Variants in LRRC4C observed in about 807,000 individuals in gnomAD.
LRRC4C encodes leucine rich repeat containing 4C.
LRRC4C carries 5 observed loss-of-function variants against 33.6 expected under a neutral mutation model. The ratio of observed to expected loss-of-function variants is 0.15; its 90% confidence interval spans 0.08 to 0.31. LRRC4C has a LOEUF of 0.31. Ranked by LOEUF, LRRC4C falls within the 10% of genes least tolerant of loss-of-function variation. The probability of loss-of-function intolerance (pLI) is 1.00; values close to 1 mark genes in which losing one functional copy is unlikely to be tolerated. For missense variants in LRRC4C, 560 were observed against 796.7 expected (o/e 0.70, Z 3.58); for synonymous variants, 329 against 302.0 (o/e 1.09, Z -0.93).
intron 3 of LRRC4C, among the ~76,000 whole-genome samples, chr11:40,460,175 T>TA: frequency 6.6e-6 from 1 of 152,234 alleles, no homozygotes; most frequent in South Asian, 2.1e-4. Flanking sequence ...TCCAGCCACT[T>TA]AAATTGAGTT....
intron 3 of LRRC4C, among the ~76,000 whole-genome samples, chr11:40,441,392 C>A (rs907912588): frequency 7.2e-5 from 11 of 152,136 alleles, no homozygotes; most frequent in Non-Finnish European, 1.5e-4. Flanking sequence ...AAAAAAACAA[C>A]AGTATGATTT....
chr11:40,116,366 T>G, intron 6 of LRRC4C, 32 bp from the exon 7 acceptor site: 1 of 1,512,846 alleles, frequency 6.6e-7, no homozygotes, highest in Non-Finnish European at 8.8e-7. Flanking sequence ...AACCAATTAT[T>G]AGATTAGATT....
chr11:40,653,611 T>G (rs558212242), intron 2 of LRRC4C, among the ~76,000 whole-genome samples: 1 of 152,314 alleles, frequency 6.6e-6, no homozygotes, highest in South Asian at 2.1e-4. Context: ...GGTTTGGAAT[T>G]GAAACTTATG....
At chr11:41,226,301 C>G (rs1296608805) in intron 1 of LRRC4C, among the ~76,000 whole-genome samples, 1 of 152,078 alleles carries the variant, frequency 6.6e-6, no homozygotes, top group African/African-American at 2.4e-5. Context: ...AGAATTGGGA[C>G]TGAATCCAAT....
chr11:40,454,052 A>G (rs956619588), intron 3 of LRRC4C, among the ~76,000 whole-genome samples: 1 of 152,184 alleles, frequency 6.6e-6, no homozygotes, highest in Non-Finnish European at 1.5e-5. Flanking sequence ...AAGGGGATCC[A>G]TGAGATTTCC....
At chr11:40,770,033 G>A (rs562994525) in intron 2 of LRRC4C, among the ~76,000 whole-genome samples, 9 of 152,072 alleles carry the variant, frequency 5.9e-5, no homozygotes, top group South Asian at 2.1e-4. Flanking sequence ...AAAAAATTCC[G>A]CACATCAAAG....
rs1331120750 is a variant in LRRC4C, at chr11:40,987,651, A to C, written c.-495-53928T>G. On this transcript the variant is annotated intron_variant, in intron 1 of 6. Coordinates refer to ENST00000528697, the MANE Select transcript of LRRC4C (RefSeq NM_001258419.2). ...TAATGATATATATATATATATATAT[A>C]TCTCATATATATGAGATATAAATGA... 1.5e-4 allele frequency among the ~76,000 whole-genome samples: 7 copies of C among 47,874 alleles called. No homozygotes were observed. The East Asian group carries it at 2.1e-3, about 14-fold the overall frequency. 31.4% of individuals were successfully genotyped at this position (47,874 alleles called of 152,430 possible).
chr11:41,298,275 A>G (rs1950195372), intron 1 of LRRC4C, among the ~76,000 whole-genome samples: 1 of 152,168 alleles, frequency 6.6e-6, no homozygotes, highest in Non-Finnish European at 1.5e-5. Flanking sequence ...GAGATAAAAG[A>G]AGGGAAGAAG....
intron 5 of LRRC4C, among the ~76,000 whole-genome samples, chr11:40,157,151 A>G (rs1023936219): frequency 2.0e-5 from 3 of 152,126 alleles, no homozygotes; most frequent in African/African-American, 7.2e-5. Flanking sequence ...ACAAAAACAT[A>G]AAGTGTGGAA....
intron 4 of LRRC4C, among the ~76,000 whole-genome samples, chr11:40,272,536 G>A (rs1238773773): frequency 6.6e-6 from 1 of 151,992 alleles, no homozygotes; most frequent in Non-Finnish European, 1.5e-5. Flanking sequence ...TGAAGGAGAG[G>A]AGGGAGGGTA....
intron 4 of LRRC4C, among the ~76,000 whole-genome samples, chr11:40,274,418 C>CACAT (rs1565215794): frequency 2.5e-5 from 3 of 120,784 alleles, no homozygotes; most frequent in Non-Finnish European, 5.1e-5. Flanking sequence ...GGAATAGACA[C>CACAT]ACACATACAC....
At chr11:40,800,219 G>A (rs778539050) in intron 2 of LRRC4C, among the ~76,000 whole-genome samples, 5 of 152,112 alleles carry the variant, frequency 3.3e-5, no homozygotes, top group Non-Finnish European at 5.9e-5. Flanking sequence ...TCCATGTGAT[G>A]CAATGACTAA....
intron 3 of LRRC4C, among the ~76,000 whole-genome samples, chr11:40,376,307 G>A (rs1287177106): frequency 6.6e-6 from 1 of 152,080 alleles, no homozygotes; most frequent in Admixed American, 6.6e-5. Flanking sequence ...AACTTCTAAA[G>A]TTTTACAGGT....
intron 1 of LRRC4C, among the ~76,000 whole-genome samples, chr11:41,175,356 C>A (rs1050966051): frequency 6.6e-6 from 1 of 152,126 alleles, no homozygotes. Flanking sequence ...CAGGAGGAAA[C>A]AATTACCAAA....
At chr11:41,215,358 C>G (rs1947013711) in intron 1 of LRRC4C, among the ~76,000 whole-genome samples, 2 of 151,444 alleles carry the variant, frequency 1.3e-5, no homozygotes, top group African/African-American at 4.9e-5. Flanking sequence ...CGTGGTGGTG[C>G]ACGCCTGTGA....
intron 3 of LRRC4C, among the ~76,000 whole-genome samples, chr11:40,588,151 A>C (rs1054221378): frequency 1.3e-5 from 2 of 151,514 alleles, no homozygotes; most frequent in African/African-American, 4.9e-5. Flanking sequence ...CCACAATTTC[A>C]GATCCTGTTA....
At chr11:40,128,074 C>CCCACT (rs5791358) in intron 6 of LRRC4C, among the ~76,000 whole-genome samples, 2 of 151,908 alleles carry the variant, frequency 1.3e-5, no homozygotes, top group African/African-American at 4.8e-5. Context: ...TAAAATGCCC[C>CCCACT]GGAGGGTTGG....
chr11:40,210,776 T>C (rs939501238), intron 5 of LRRC4C, among the ~76,000 whole-genome samples: 5 of 152,116 alleles, frequency 3.3e-5, no homozygotes, highest in African/African-American at 1.2e-4. Flanking sequence ...AAAATACAAC[T>C]TTTTCTTTTC....
intron 2 of LRRC4C, among the ~76,000 whole-genome samples, chr11:40,695,297 T>C (rs1945438805): frequency 6.6e-6 from 1 of 152,184 alleles, no homozygotes; most frequent in Admixed American, 6.6e-5. Context: ...TTACTTTCAC[T>C]TTTTTACCCA....
Sources: allele counts gnomAD v4.1 joint callset (sites outside exome capture counted in the v4.1 genomes callset), GRCh38; gene constraint gnomAD v4.1.1; transcripts MANE v1.5; gene names NCBI Gene and HGNC (gene_info 2026-07-23, HGNC 2026-07-21).